ROBO2: variants seen among roughly 807,000 people sequenced by gnomAD.
ROBO2 encodes the protein roundabout homolog 2.
Under a neutral mutation model 160.8 loss-of-function variants are expected in ROBO2, and 53 were observed. That is an observed-to-expected ratio of 0.33 (90% CI 0.26 to 0.41). The LOEUF is 0.41. Among genes scored for constraint, ROBO2 ranks in the 10% least tolerant of loss-of-function variants. ROBO2 has a pLI of 1.00. For missense variants in ROBO2, 1,577 were observed against 1,722.4 expected, an observed-to-expected ratio of 0.92 and a Z score of 1.49; for synonymous variants, 664 against 611.7, an observed-to-expected ratio of 1.09 and a Z score of -1.26.
At chr3:76,925,156 A>T (rs1260877448) in intron 2 of ROBO2, among the ~76,000 whole-genome samples, 1 of 147,708 alleles carries the variant, frequency 6.8e-6, no homozygotes, top group Non-Finnish European at 1.5e-5. Flanking sequence ...GCTTGCAGTG[A>T]GCCGAGATCC....
chr3:76,119,837 C>T (rs1403826724), intron 2 of ROBO2, among the ~76,000 whole-genome samples: 1 of 151,466 alleles, frequency 6.6e-6, no homozygotes, highest in Non-Finnish European at 1.5e-5. Context: ...ACCTTTCTTG[C>T]TTTCCTTTCT....
intron 2 of ROBO2, among the ~76,000 whole-genome samples, chr3:76,825,470 C>T (rs2066491031): frequency 1.3e-5 from 2 of 151,826 alleles, no homozygotes; most frequent in South Asian, 2.1e-4. Flanking sequence ...CAAACTTCCC[C>T]TCCTGTTTTC....
At chr3:77,521,545 C>T (rs2153627324) in intron 5 of ROBO2, among the ~76,000 whole-genome samples, 1 of 151,220 alleles carries the variant, frequency 6.6e-6, no homozygotes, top group East Asian at 1.9e-4. Flanking sequence ...TTTTCCCTAA[C>T]CACTTATGAC....
At chr3:75,983,603 C>T (rs925173679) in intron 2 of ROBO2, among the ~76,000 whole-genome samples, 2 of 151,360 alleles carry the variant, frequency 1.3e-5, no homozygotes, top group African/African-American at 4.8e-5. Context: ...TTGCCAGTTT[C>T]AGGATAAATA....
At chr3:76,003,027 T>A (rs2065930857) in intron 2 of ROBO2, among the ~76,000 whole-genome samples, 1 of 152,146 alleles carries the variant, frequency 6.6e-6, no homozygotes, top group Admixed American at 6.5e-5. Context: ...ATCTATCCTT[T>A]CTTTCTGGAG....
chr3:76,082,939 T>C (rs1020060631), intron 2 of ROBO2, among the ~76,000 whole-genome samples: 3 of 152,090 alleles, frequency 2.0e-5, no homozygotes, highest in Non-Finnish European at 4.4e-5. Context: ...GAGTAGAGAC[T>C]GCAGACTTAA....
chr3:76,033,129 T>C (rs1255706933), intron 2 of ROBO2, among the ~76,000 whole-genome samples: 1 of 151,966 alleles, frequency 6.6e-6, no homozygotes, highest in African/African-American at 2.4e-5. Flanking sequence ...AGAAATGTTA[T>C]TGTTGTTTTT....
intron 2 of ROBO2, among the ~76,000 whole-genome samples, chr3:75,980,503 G>A (rs960803916): frequency 2.0e-5 from 3 of 151,472 alleles, no homozygotes; most frequent in Non-Finnish European, 1.5e-5. Context: ...AAGTGGATAA[G>A]TTACCTCAAA....
At chr3:76,255,254 G>A (rs538262444) in intron 2 of ROBO2, among the ~76,000 whole-genome samples, 112 of 152,262 alleles carry the variant, frequency 7.4e-4, no homozygotes, top group Non-Finnish European at 1.3e-3. Flanking sequence ...GAATGCATAA[G>A]ATTGCCTGCT....
chr3:77,181,184 C>T (rs59449144), intron 2 of ROBO2, among the ~76,000 whole-genome samples: 8,824 of 152,066 alleles, frequency 0.058, 276 homozygotes, highest in Admixed American at 0.092. Context: ...GACTGCAATG[C>T]CTTTGGTTTT....
chr3:76,915,477 A>G (rs2076243727), intron 2 of ROBO2, among the ~76,000 whole-genome samples: 1 of 151,950 alleles, frequency 6.6e-6, no homozygotes, highest in East Asian at 1.9e-4. Flanking sequence ...CCTGGCCCAC[A>G]TGGTGAAACC....
chr3:76,521,348 CCAA>C (rs1438570029), intron 2 of ROBO2, among the ~76,000 whole-genome samples: 1 of 152,030 alleles, frequency 6.6e-6, no homozygotes, highest in Non-Finnish European at 1.5e-5. Flanking sequence ...CGCGCCTGGC[CCAA>C]CAACAATTGC....
At chr3:75,935,701 G>A (rs1441548970) in intron 1 of ROBO2, among the ~76,000 whole-genome samples, 1 of 152,074 alleles carries the variant, frequency 6.6e-6, no homozygotes, top group African/African-American at 2.4e-5. Context: ...AGATGTATTT[G>A]GGATCAAATA....
chr3:77,176,095 A>G (rs1460684626), intron 2 of ROBO2, among the ~76,000 whole-genome samples: 3 of 152,144 alleles, frequency 2.0e-5, no homozygotes, highest in African/African-American at 7.2e-5. Context: ...GAGCTGGGTA[A>G]GAAGAGCTCC....
intron 2 of ROBO2, among the ~76,000 whole-genome samples, chr3:76,410,532 G>A (rs1005194040): frequency 2.0e-5 from 3 of 152,006 alleles, no homozygotes; most frequent in Non-Finnish European, 4.4e-5. Context: ...TTTAAGTTCA[G>A]GTTCTCAGTT....
At chr3:76,594,857 T>A (rs1468300956) in intron 2 of ROBO2, among the ~76,000 whole-genome samples, 1 of 152,006 alleles carries the variant, frequency 6.6e-6, no homozygotes, top group Non-Finnish European at 1.5e-5. Context: ...GACCAACCTG[T>A]TTTTCAATGG....
intron 2 of ROBO2, among the ~76,000 whole-genome samples, chr3:76,942,654 A>G (rs897285040): frequency 1.3e-5 from 2 of 151,916 alleles, no homozygotes; most frequent in Admixed American, 6.6e-5. Context: ...GAAACCTCTC[A>G]TTGTAGCCTA....
chr3:75,928,907 C>CT (rs1947403942), intron 1 of ROBO2, among the ~76,000 whole-genome samples: 1 of 104,598 alleles, frequency 9.6e-6, no homozygotes, highest in African/African-American at 3.9e-5. Flanking sequence ...TGTGTGATAG[C>CT]TGATGATTAT....
In ROBO2 at chr3:76,657,114, T is replaced by C. The variant is rs186029196; in HGVS notation, c.110-440900T>C. ...GGCCACTTCTTTATGTCTTTCTTTT[T>C]GATTTTTTTCAAGATTTTAAAAATG... is the stretch of plus-strand genomic sequence containing the variant. On this transcript the variant is annotated intron_variant, in intron 2 of 26. Coordinates refer to the ROBO2 transcript ENST00000487694. 1.6e-3 allele frequency among the ~76,000 whole-genome samples: 243 copies of C among 152,278 alleles called. 1 individual carries two copies. The highest frequency in any genetic ancestry group is 0.011 in the Admixed American group (173 of 15,276).
Sources: gnomAD v4.1 joint callset for allele counts (sites outside exome capture counted in the v4.1 genomes callset) on GRCh38, gnomAD v4.1.1 for gene constraint, MANE v1.5 for transcripts, NCBI Gene and HGNC (gene_info 2026-07-23, HGNC 2026-07-21) for gene names.